Variants in NKAIN2 observed in about 807,000 individuals in gnomAD.
The protein encoded by NKAIN2 is sodium/potassium-transporting ATPase subunit beta-1-interacting protein 2.
Under a neutral mutation model 32.6 loss-of-function variants are expected in NKAIN2, and 14 were observed. The observed-to-expected ratio is 0.43, with a 90% CI of 0.28 to 0.67. The LOEUF (loss-of-function observed/expected upper bound fraction) is 0.67, where lower values mean the gene tolerates loss of function less well. Among genes scored for constraint, NKAIN2 ranks in the 30% least tolerant of loss-of-function variants. The pLI, the probability that NKAIN2 is intolerant of heterozygous loss-of-function variation, is 0.17. For missense variants in NKAIN2, 198 were observed against 258.3 expected, an observed-to-expected ratio of 0.77 and a Z score of 1.60; for synonymous variants, 80 against 87.2, an observed-to-expected ratio of 0.92 and a Z score of 0.46.
intron 1 of NKAIN2, among the ~76,000 whole-genome samples, chr6:123,847,025 A>G (rs372018471): frequency 6.6e-6 from 1 of 152,234 alleles, no homozygotes; most frequent in African/African-American, 2.4e-5. Flanking sequence ...CTAGGAATAC[A>G]TTCTTTATTT....
intron 1 of NKAIN2, among the ~76,000 whole-genome samples, chr6:123,845,815 A>C (rs1055252535): frequency 1.3e-5 from 2 of 152,248 alleles, no homozygotes; most frequent in African/African-American, 4.8e-5. Flanking sequence ...GAGAAAACCA[A>C]GATCAGTGAT....
chr6:124,091,273 A>G (rs557393115), intron 1 of NKAIN2, among the ~76,000 whole-genome samples: 7 of 152,124 alleles, frequency 4.6e-5, no homozygotes, highest in Admixed American at 2.0e-4. Flanking sequence ...TAAGAAAATC[A>G]TTACAGCAGG....
intron 1 of NKAIN2, among the ~76,000 whole-genome samples, chr6:124,261,163 C>T (rs548203262): frequency 6.6e-6 from 1 of 152,310 alleles, no homozygotes; most frequent in East Asian, 1.9e-4. Context: ...CCAAAAATGT[C>T]ATCTAAAAAG....
At chr6:124,247,512 T>C (rs767484222) in intron 1 of NKAIN2, among the ~76,000 whole-genome samples, 33 of 152,226 alleles carry the variant, frequency 2.2e-4, no homozygotes, top group Admixed American at 2.6e-4. Flanking sequence ...CTATATGATA[T>C]TGGTATATCA....
intron 1 of NKAIN2, among the ~76,000 whole-genome samples, chr6:124,071,200 A>G (rs1311547913): frequency 1.3e-5 from 2 of 152,200 alleles, no homozygotes; most frequent in Admixed American, 6.5e-5. Context: ...CAACAAAAAT[A>G]AGCCATGGGG....
At chr6:124,380,439 T>A (rs1772581006) in intron 3 of NKAIN2, among the ~76,000 whole-genome samples, 1 of 152,188 alleles carries the variant, frequency 6.6e-6, no homozygotes, top group Non-Finnish European at 1.5e-5. Flanking sequence ...GCAGACATAA[T>A]GTGTGTCATT....
At chr6:124,672,156 C>G (rs1431478054) in intron 4 of NKAIN2, among the ~76,000 whole-genome samples, 1 of 151,880 alleles carries the variant, frequency 6.6e-6, no homozygotes, top group Non-Finnish European at 1.5e-5. Context: ...CTCTAGGACT[C>G]AGAGAAGTGA....
intron 4 of NKAIN2, among the ~76,000 whole-genome samples, chr6:124,781,357 G>T (rs2114785478): frequency 6.6e-6 from 1 of 152,044 alleles, no homozygotes; most frequent in African/African-American, 2.4e-5. Flanking sequence ...TGGAAAGAAT[G>T]GATAGCAGAA....
intron 4 of NKAIN2, among the ~76,000 whole-genome samples, chr6:124,767,088 G>T (rs1347003815): frequency 6.6e-6 from 1 of 151,964 alleles, no homozygotes; most frequent in Admixed American, 6.6e-5. Flanking sequence ...TTGAGACGGG[G>T]TTTCACCATG....
chr6:123,881,115 C>T (rs866285386), intron 1 of NKAIN2, among the ~76,000 whole-genome samples: 31 of 152,168 alleles, frequency 2.0e-4, no homozygotes, highest in East Asian at 7.8e-4. Flanking sequence ...GCCACCTCCC[C>T]GGTTCAAGCG....
intron 3 of NKAIN2, among the ~76,000 whole-genome samples, chr6:124,473,164 T>A (rs937680226): frequency 1.3e-5 from 2 of 152,206 alleles, no homozygotes; most frequent in Non-Finnish European, 2.9e-5. Context: ...GACCAGGGAT[T>A]AATGATTAAT....
chr6:123,888,875 T>C (rs1265062202), intron 1 of NKAIN2, among the ~76,000 whole-genome samples: 1 of 152,142 alleles, frequency 6.6e-6, no homozygotes, highest in African/African-American at 2.4e-5. Context: ...ATGTTTGAAA[T>C]GGCAACTGCA....
chr6:124,036,688 T>A (rs887681638), intron 1 of NKAIN2, among the ~76,000 whole-genome samples: 3 of 152,128 alleles, frequency 2.0e-5, no homozygotes, highest in Non-Finnish European at 4.4e-5. Flanking sequence ...TTCCTGACCT[T>A]GCCCATTTTT....
intron 4 of NKAIN2, among the ~76,000 whole-genome samples, chr6:124,731,870 A>T (rs966286628): frequency 6.6e-6 from 1 of 152,146 alleles, no homozygotes; most frequent in African/African-American, 2.4e-5. Context: ...CAGTGTCTAT[A>T]AACTATTAGT....
At chr6:123,965,229 G>A (rs866246441) in intron 1 of NKAIN2, among the ~76,000 whole-genome samples, 11 of 152,076 alleles carry the variant, frequency 7.2e-5, no homozygotes, top group African/African-American at 2.7e-4. Context: ...GATAACCAGA[G>A]GTGCCAGAAA....
chr6:123,839,511 T>C (rs892031049), intron 1 of NKAIN2, among the ~76,000 whole-genome samples: 49 of 152,118 alleles, frequency 3.2e-4, no homozygotes, highest in African/African-American at 1.1e-3. Flanking sequence ...CATTTCGTTT[T>C]GTTTTGTTTC....
At chr6:124,775,782 C>T (rs2114770998) in intron 4 of NKAIN2, among the ~76,000 whole-genome samples, 1 of 152,298 alleles carries the variant, frequency 6.6e-6, no homozygotes, top group East Asian at 1.9e-4. Flanking sequence ...GTCAGGGTTA[C>T]TGCACTGGAC....
intron 3 of NKAIN2, among the ~76,000 whole-genome samples, chr6:124,522,117 A>G (rs1240500930): frequency 6.6e-6 from 1 of 152,092 alleles, no homozygotes; most frequent in Non-Finnish European, 1.5e-5. Context: ...ATCTGGAATA[A>G]TGGATTGTTT....
At chr6:124,630,245 A>C (rs1783512049) in intron 3 of NKAIN2, among the ~76,000 whole-genome samples, 1 of 152,140 alleles carries the variant, frequency 6.6e-6, no homozygotes, top group African/African-American at 2.4e-5. Flanking sequence ...AGTGGCTAAG[A>C]AACAAGATCT....
Sources: allele counts gnomAD v4.1 joint callset (sites outside exome capture counted in the v4.1 genomes callset), GRCh38; gene constraint gnomAD v4.1.1; transcripts MANE v1.5; gene names NCBI Gene and HGNC (gene_info 2026-07-23, HGNC 2026-07-21).